The following ARHGAP32 variants were observed in gnomAD, a reference collection of about 807,000 sequenced individuals.
ARHGAP32 encodes Rho GTPase activating protein 32.
Under a neutral mutation model 186.5 loss-of-function variants are expected in ARHGAP32, and 51 were observed. The observed-to-expected ratio is 0.27, with a 90% CI of 0.22 to 0.35. The LOEUF (loss-of-function observed/expected upper bound fraction) is 0.35, where lower values mean the gene tolerates loss of function less well. Among genes scored for constraint, ARHGAP32 ranks in the 10% least tolerant of loss-of-function variants. The pLI is 1.00. For missense variants in ARHGAP32, 2,186 were observed against 2,623.5 expected (o/e 0.83, Z 3.64); for synonymous variants, 950 against 964.3 (o/e 0.99, Z 0.27).
intron 1 of ARHGAP32, among the ~76,000 whole-genome samples, chr11:129,267,064 G>A (rs1386993431): frequency 2.0e-5 from 3 of 152,186 alleles, no homozygotes; most frequent in African/African-American, 7.2e-5. Flanking sequence ...GAAGACCTCA[G>A]GTCAGAGGCT....
intron 19 of ARHGAP32, 141 bp downstream of exon 19, chr11:128,978,629 G>T: frequency 3.2e-6 from 2 of 624,808 alleles, no homozygotes; most frequent in Non-Finnish European, 4.8e-6. Context: ...ATAAAGAATC[G>T]GTGAGAGAAG....
In ARHGAP32 at chr11:129,124,631, T is replaced by C. The variant is rs79326469; in HGVS notation, c.317+172A>G. 9.4e-3 allele frequency among the ~76,000 whole-genome samples: 1,435 copies of C among 152,034 alleles called. 21 individuals are homozygous for C. Among genetic ancestry groups the C allele is most frequent in the African/African-American group, 0.027 (1,138 of 41,510 alleles). On this transcript the variant is annotated intron_variant, in intron 3 of 22. Transcript: ENST00000682385. ...AAAAATAAAGTATATTTTAGAGGAG[T>C]GGATAATCTATAGGCCTATTCCACT... is the stretch of plus-strand genomic sequence containing the variant.
At chr11:129,086,592 C>G (rs574064809) in intron 6 of ARHGAP32, among the ~76,000 whole-genome samples, 3 of 152,102 alleles carry the variant, frequency 2.0e-5, no homozygotes, top group East Asian at 3.9e-4. Context: ...GAGGCCAAGG[C>G]GGGCGGATCA....
At chr11:129,061,584 CTG>C (rs1342951005) in intron 10 of ARHGAP32, among the ~76,000 whole-genome samples, 1 of 152,174 alleles carries the variant, frequency 6.6e-6, no homozygotes, top group Non-Finnish European at 1.5e-5. Context: ...AACCTGATAA[CTG>C]AGAGGGCTAC....
rs147399178 is a variant in ARHGAP32, at chr11:128,974,860, C to G, written c.2337G>C (p.Gly779=). The stretch of plus-strand genomic sequence containing the variant: ...ACATAAGGGCTGGGATATGAAGCAG[C>G]CCTCCTTCCTCCTCACTCTCATTGT... ...PHDNESEEEG[G]LLHIPALMSP... is the part of the protein sequence containing the mutation. Residue 779 remains glycine (G), a synonymous_variant, in exon 21 of 23, where the codon GGG becomes GGC. Coordinates refer to ENST00000682385, the MANE Select transcript of ARHGAP32 (RefSeq NM_001378024.1). 2.0e-5 allele frequency: 33 copies of G among 1,614,150 alleles called. No homozygotes were observed. The African/African-American group carries it at 3.5e-4, about 17-fold the overall frequency.
At chr11:129,062,699 T>A (rs549351694) in intron 9 of ARHGAP32, among the ~76,000 whole-genome samples, 2 of 152,100 alleles carry the variant, frequency 1.3e-5, no homozygotes, top group Admixed American at 1.3e-4. Flanking sequence ...TCACTGAGAG[T>A]GATCAGATTC....
At chr11:128,972,359 G>T in intron 22 of ARHGAP32, 94 bp downstream of exon 22, 1 of 1,374,230 alleles carries the variant, frequency 7.3e-7, no homozygotes, top group Non-Finnish European at 9.7e-7. Context: ...AGTAATTGTT[G>T]TGTCTGACTC....
At chr11:129,198,135 C>A (rs1418704984) in intron 1 of ARHGAP32, among the ~76,000 whole-genome samples, 2 of 152,166 alleles carry the variant, frequency 1.3e-5, no homozygotes, top group Non-Finnish European at 2.9e-5. Context: ...GGAGATCTAA[C>A]TTTCAACTGT....
intron 1 of ARHGAP32, among the ~76,000 whole-genome samples, chr11:129,181,010 C>T (rs527605929): frequency 2.0e-5 from 3 of 152,064 alleles, no homozygotes; most frequent in African/African-American, 7.2e-5. Context: ...GAAGTCCAAG[C>T]GGATTTCCTT....
intron 13 of ARHGAP32, 79 bp from the exon 14 acceptor site, chr11:128,986,747 C>A: frequency 7.1e-7 from 1 of 1,414,504 alleles, no homozygotes; most frequent in Non-Finnish European, 9.8e-7. Flanking sequence ...AAAGCATAAG[C>A]TCCAAAAGTG....
At chr11:129,250,455 T>C (rs1397439579) in intron 1 of ARHGAP32, among the ~76,000 whole-genome samples, 4 of 152,218 alleles carry the variant, frequency 2.6e-5, no homozygotes, top group Non-Finnish European at 5.9e-5. Flanking sequence ...TATTTCTTAA[T>C]ATTGATAGCC....
chr11:129,256,875 T>C (rs535637342), intron 1 of ARHGAP32, among the ~76,000 whole-genome samples: 3 of 152,250 alleles, frequency 2.0e-5, no homozygotes, highest in African/African-American at 7.2e-5. Context: ...TTCAAGAACA[T>C]AAGGGCTAAG....
At chr11:128,995,384 T>A (rs1946170368) in intron 12 of ARHGAP32, among the ~76,000 whole-genome samples, 1 of 152,164 alleles carries the variant, frequency 6.6e-6, no homozygotes, top group Non-Finnish European at 1.5e-5. Flanking sequence ...TTTTGTATTT[T>A]TTTCTGTATA....
intron 1 of ARHGAP32, among the ~76,000 whole-genome samples, chr11:129,188,412 G>A (rs1944205270): frequency 1.3e-5 from 2 of 152,144 alleles, no homozygotes; most frequent in South Asian, 4.1e-4. Flanking sequence ...GGGGAAATGA[G>A]CCATTAAAAG....
rs58858606 is a variant in ARHGAP32, at chr11:129,268,664, CAAAAAAAAAAAAAAAA to C, written c.-5+10466_-5+10481del. Among the ~76,000 whole-genome samples, 61 of 46,400 alleles carry C rather than the reference CAAAAAAAAAAAAAAAA, an allele frequency of 1.3e-3. 1 individual carries two copies. The highest frequency in any genetic ancestry group is 0.025 in the Middle Eastern group (1 of 40). 30.4% of individuals were successfully genotyped at this position (46,400 alleles called of 152,430 possible). On this transcript the variant is annotated intron_variant, in intron 1 of 6. Coordinates refer to the ARHGAP32 transcript ENST00000525234. ...GCTCTTTCGTTATTTGCCTCCTCAC[CAAAAAAAAAAAAAAAA>C]AAAAAAAAAAAAAAAGGTGAATTCC...
intron 11 of ARHGAP32, chr11:129,030,398 A>G (rs189623062): frequency 6.6e-6 from 1 of 152,284 alleles, no homozygotes; most frequent in East Asian, 1.9e-4. Flanking sequence ...AATGTAAAAT[A>G]ACATAAAAAG....
Position 128,970,623 on chromosome 11 carries a change from C to T in ARHGAP32, c.4590G>A (p.Gln1530=), listed in dbSNP as rs1945339557. ...CTGACCTGGCACCATACACTTGGTG[C>T]TGCTCCAATTTATTGTGATGGGGAG... ...SVPPHHNKLE[Q]HQVYGARSEP... is the part of the protein sequence containing the mutation. The change falls in exon 23 of 23, where the codon CAG becomes CAA. Residue 1530 remains glutamine (Q), a synonymous_variant. Transcript: ENST00000682385. The surrounding 1 kb of genome is among the most constrained non-coding windows in gnomAD (Gnocchi z 5.8). 3.1e-6 allele frequency: 5 copies of T among 1,614,154 alleles called. No homozygotes were observed. The highest frequency in any genetic ancestry group is 2.2e-5 in the East Asian group (1 of 44,884).
chr11:128,974,438 C>T lies in ARHGAP32; in HGVS notation c.2759G>A (p.Ser920Asn). 6.2e-7 allele frequency: 1 copy of T among 1,614,132 alleles called. No homozygotes were observed. Among genetic ancestry groups the T allele is most frequent in the South Asian group, 1.1e-5 (1 of 91,080 alleles). ...GRKLSKSPSM[S>N]ISEPISVTLP... ...GGTCACTGAAATTGGCTCAGATATG[C>T]TCATAGAAGGTGATTTGCTTAATTT... Residue 920 changes from serine to asparagine, a missense_variant, in exon 21 of 23, where the codon AGC becomes AAC. Coordinates refer to ENST00000682385, the MANE Select transcript of ARHGAP32 (RefSeq NM_001378024.1).
chr11:129,187,255 A>C (rs1156440474), intron 1 of ARHGAP32, among the ~76,000 whole-genome samples: 1 of 152,216 alleles, frequency 6.6e-6, no homozygotes, highest in East Asian at 1.9e-4. Context: ...AAGTGAAATA[A>C]GCCAGGCACG....
Sources: allele counts gnomAD v4.1 joint callset (sites outside exome capture counted in the v4.1 genomes callset), GRCh38; gene constraint gnomAD v4.1.1; non-coding constraint Gnocchi (gnomAD v3.1); transcripts MANE v1.5; gene names NCBI Gene and HGNC (gene_info 2026-07-23, HGNC 2026-07-21).